MGAT5: variants seen among roughly 807,000 people sequenced by gnomAD.
MGAT5 encodes alpha-1,6-mannosylglycoprotein 6-beta-N-acetylglucosaminyltransferase A.
MGAT5 carries 30 observed loss-of-function variants against 94.3 expected under a neutral mutation model. The ratio of observed to expected loss-of-function variants is 0.32; its 90% CI spans 0.24 to 0.43. The LOEUF is 0.43. Ranked by LOEUF, MGAT5 falls within the 20% of genes least tolerant of loss-of-function variation. The pLI, the probability that MGAT5 is intolerant of heterozygous loss-of-function variation, is 1.00. For missense variants in MGAT5, 691 were observed against 905.5 expected (o/e 0.76, Z 3.04); for synonymous variants, 310 against 322.9 (o/e 0.96, Z 0.43).
At chr2:134,427,298 T>G (rs775087474) in intron 13 of MGAT5, among the ~76,000 whole-genome samples, 2 of 152,182 alleles carry the variant, frequency 1.3e-5, no homozygotes, top group Non-Finnish European at 2.9e-5. Context: ...AATAATAGAC[T>G]ATATTGCTGG....
At chr2:134,333,636 C>A (rs1351365696) in intron 4 of MGAT5, among the ~76,000 whole-genome samples, 1 of 151,818 alleles carries the variant, frequency 6.6e-6, no homozygotes, top group Non-Finnish European at 1.5e-5. Context: ...TGGGGTCCAG[C>A]TTTATTGGTA....
intron 10 of MGAT5, among the ~76,000 whole-genome samples, chr2:134,386,246 C>CA (rs1681965496): frequency 2.0e-5 from 3 of 151,574 alleles, no homozygotes. Context: ...ATAGGAAAAG[C>CA]AAAAAACAGG....
rs941625013 is a variant in MGAT5 at position 134,134,035 on chromosome 2, A to G, written c.-143+13744A>G. Among the ~76,000 whole-genome samples the G allele has an allele frequency of 2.0e-5, 3 of 152,310 alleles. No homozygotes were observed. In the East Asian group the frequency reaches 5.8e-4, roughly 29 times the overall value. On this transcript the variant is annotated intron_variant, in intron 1 of 16. Transcript: ENST00000409645. ...GACCCCAATATCAGAAATCCTACTC[A>G]TAGGAACAATGGGGATGCAAATGGC...
chr2:134,317,767 C>G (rs778568718), intron 3 of MGAT5, among the ~76,000 whole-genome samples, 162 bp downstream of exon 3: 4 of 152,102 alleles, frequency 2.6e-5, no homozygotes, highest in Non-Finnish European at 4.4e-5. Flanking sequence ...GCTATGACAA[C>G]CCTGCTATGC....
At chr2:134,226,424 C>T (rs754139582) in intron 1 of MGAT5, among the ~76,000 whole-genome samples, 1 of 152,154 alleles carries the variant, frequency 6.6e-6, no homozygotes, top group Non-Finnish European at 1.5e-5. Flanking sequence ...TTCTTAAAAA[C>T]TAGAAGTTCT....
intron 2 of MGAT5, among the ~76,000 whole-genome samples, chr2:134,281,219 G>A (rs1327518178): frequency 6.6e-6 from 1 of 152,182 alleles, no homozygotes; most frequent in Non-Finnish European, 1.5e-5. Flanking sequence ...ACATCTTCCT[G>A]TGACCTACCT....
chr2:134,332,945 T>G (rs1397977623), intron 4 of MGAT5, among the ~76,000 whole-genome samples: 36 of 152,160 alleles, frequency 2.4e-4, no homozygotes, highest in East Asian at 9.7e-4. Context: ...ACAGGTGCTG[T>G]AGAGGATGTG....
At chr2:134,442,400 A>G (rs1685531620) in intron 15 of MGAT5, among the ~76,000 whole-genome samples, 1 of 152,080 alleles carries the variant, frequency 6.6e-6, no homozygotes, top group Admixed American at 6.5e-5. Flanking sequence ...ATGGAGAAGG[A>G]GCCGGCACAA....
At chr2:134,311,344 T>C (rs1263777839) in intron 2 of MGAT5, among the ~76,000 whole-genome samples, 2 of 152,156 alleles carry the variant, frequency 1.3e-5, no homozygotes, top group Non-Finnish European at 2.9e-5. Context: ...CAGAACTAGA[T>C]AAAAAGTTAA....
In MGAT5 at chr2:134,338,300, GA is replaced by G; in HGVS notation, c.692del (p.Lys231SerfsTer8). On this transcript the variant is annotated frameshift_variant, in exon 6 of 16. Transcript: ENST00000281923. LOFTEE classifies it high-confidence loss of function. ...ATTTTAATATTCTCTACAGTATGAT[GA>G]AAAAGCATGAAGAATTCCGGTGGAT... Reference protein sequence around the residue: ...TDFNILYSMMKKHEEFRWMRL... With the variant: ...TDFNILYSMMXKHEEFRWMRL... 1 of 1,613,066 alleles carries G rather than the reference GA, an allele frequency of 6.2e-7. No homozygotes were observed. The highest frequency in any genetic ancestry group is 8.5e-7 in the Non-Finnish European group (1 of 1,179,462).
chr2:134,125,546 A>T (rs910546541), intron 1 of MGAT5, among the ~76,000 whole-genome samples: 7 of 152,310 alleles, frequency 4.6e-5, no homozygotes, highest in Admixed American at 4.6e-4. Context: ...TCAAAGTCTC[A>T]CCAGCAGGCA....
At chr2:134,247,554 T>A (rs1682357403) in intron 1 of MGAT5, among the ~76,000 whole-genome samples, 1 of 152,094 alleles carries the variant, frequency 6.6e-6, no homozygotes, top group Non-Finnish European at 1.5e-5. Flanking sequence ...CATGTCAAAC[T>A]TTTTTTGAAA....
chr2:134,220,312 C>G (rs1040536931), intron 1 of MGAT5, among the ~76,000 whole-genome samples: 7 of 152,140 alleles, frequency 4.6e-5, no homozygotes, highest in Non-Finnish European at 8.8e-5. Context: ...TTTTTCTTTC[C>G]CATGTATCCC....
In MGAT5 at chr2:134,222,132, T is replaced by A. The variant is rs1270596217; in HGVS notation, c.-142-32130T>A. Among the ~76,000 whole-genome samples, 3 of 140,028 alleles carry A rather than the reference T, an allele frequency of 2.1e-5. No individual in the cohort carries two copies. In the Admixed American group the frequency reaches 2.2e-4, roughly 10 times the overall value. 91.9% of individuals were successfully genotyped at this position (140,028 alleles called of 152,430 possible). ...TTAAGAGGTGAGATGGAGTCAGGCC[T>A]AGGGTTTAGTCTAAAACAATCCTGG... On this transcript the variant is annotated intron_variant, in intron 1 of 16. Transcript: ENST00000409645.
At chr2:134,179,906 C>T (rs1688656286) in intron 1 of MGAT5, among the ~76,000 whole-genome samples, 1 of 152,192 alleles carries the variant, frequency 6.6e-6, no homozygotes, top group Admixed American at 6.5e-5. Context: ...AATAAAGAAG[C>T]TGGCCAAATC....
chr2:134,407,876 C>T (rs1683431074), intron 11 of MGAT5, among the ~76,000 whole-genome samples: 1 of 152,124 alleles, frequency 6.6e-6, no homozygotes, highest in Non-Finnish European at 1.5e-5. Flanking sequence ...TTGGGCAGTC[C>T]CATTCAGAGG....
chr2:134,407,158 A>G (rs1459770148), intron 11 of MGAT5, among the ~76,000 whole-genome samples: 1 of 152,138 alleles, frequency 6.6e-6, no homozygotes, highest in Admixed American at 6.5e-5. Flanking sequence ...TACCCTTCTG[A>G]TACCCCGTTC....
intron 1 of MGAT5, among the ~76,000 whole-genome samples, chr2:134,134,363 T>A (rs932852364): frequency 6.6e-6 from 1 of 152,132 alleles, no homozygotes; most frequent in Non-Finnish European, 1.5e-5. Flanking sequence ...AACACAGGAA[T>A]AGGGTCCAGG....
rs111249467 is a variant in MGAT5, at chr2:134,131,097, G to T, written c.-143+10806G>T. ...GCTGGTCACTCTTTGGGTCCACACT[G>T]CCTTTATGTGCTGTAACACTCACTG... On this transcript the variant is annotated intron_variant, in intron 1 of 16. Transcript: ENST00000409645. Among the ~76,000 whole-genome samples the T allele has an allele frequency of 7.9e-5, 12 of 152,288 alleles. 1 individual carries two copies. Among genetic ancestry groups the T allele is most frequent in the African/African-American group, 2.6e-4 (11 of 41,554 alleles).
Sources: allele counts gnomAD v4.1 joint callset (sites outside exome capture counted in the v4.1 genomes callset), GRCh38; gene constraint gnomAD v4.1.1; transcripts MANE v1.5; gene names NCBI Gene and HGNC (gene_info 2026-07-23, HGNC 2026-07-21).